The following MAT2B variants were observed in gnomAD, a reference collection of about 807,000 sequenced individuals.
MAT2B encodes the protein methionine adenosyltransferase 2 subunit beta.
A neutral mutation model predicts 36.1 loss-of-function variants in MAT2B; 16 were observed. The ratio of observed to expected loss-of-function variants is 0.44; its 90% CI spans 0.30 to 0.67. The LOEUF (loss-of-function observed/expected upper bound fraction) is 0.67, where lower values mean the gene tolerates loss of function less well. MAT2B is among the 30% of genes least tolerant of loss of function. MAT2B has a pLI of 0.09. For missense variants in MAT2B, 332 were observed against 398.2 expected (o/e 0.83, Z 1.42); for synonymous variants, 148 against 136.9 (o/e 1.08, Z -0.57).
At chr5:163,505,383 T>G (rs1256156580), upstream of MAT2B, 2 of 275,242 alleles carry the variant, frequency 7.3e-6, no homozygotes, top group Non-Finnish European at 1.1e-5. Context: ...TAAAAAGCAC[T>G]CAAATAAAAT....
chr5:163,508,168 A>AAG (rs1759974545), intron 1 of MAT2B, among the ~76,000 whole-genome samples: 1 of 152,202 alleles, frequency 6.6e-6, no homozygotes, highest in Non-Finnish European at 1.5e-5. Context: ...CTCTTTTACT[A>AAG]TAGACAAAAC....
upstream of MAT2B, chr5:163,505,485 G>T: frequency 1.7e-5 from 21 of 1,225,264 alleles, no homozygotes; most frequent in Non-Finnish European, 2.1e-5. Flanking sequence ...GGGGCAGACC[G>T]CGCGTACCCG....
intron 1 of MAT2B, among the ~76,000 whole-genome samples, chr5:163,507,900 G>C (rs751250610): frequency 6.6e-6 from 1 of 152,126 alleles, no homozygotes; most frequent in Non-Finnish European, 1.5e-5. Context: ...CTCGTGGTAG[G>C]GATAATATGG....
At chr5:163,504,172 G>A (rs1271303833), upstream of MAT2B, among the ~76,000 whole-genome samples, 2 of 152,116 alleles carry the variant, frequency 1.3e-5, no homozygotes, top group East Asian at 1.9e-4. Flanking sequence ...CGAATTCCCA[G>A]TTAAGAGAAA....
Position 163,518,597 on chromosome 5 carries a change from T to A in MAT2B, c.*234T>A, listed in dbSNP as rs902031950. Reference sequence around the variant, plus strand: ...TTGTTTGTCCTGGCTAAACTTGGAGTTTGAGTATAGTAAATTATGATCCTT... The same window carrying A: ...TTGTTTGTCCTGGCTAAACTTGGAGATTGAGTATAGTAAATTATGATCCTT... On this transcript the variant is annotated 3_prime_UTR_variant, in exon 7 of 7. Transcript: ENST00000321757. 2.8e-4 allele frequency: 92 copies of A among 333,742 alleles called. No homozygotes were observed. The highest frequency in any genetic ancestry group is 2.7e-5 in the Non-Finnish European group (5 of 185,218). The allele number at this position is 333,742 out of a possible 1,614,324, so 20.7% of individuals were successfully genotyped here. A position where few individuals can be genotyped will look rare whatever the true frequency, so the allele number is the denominator to read the frequency against.
intron 3 of MAT2B, 51 bp from the exon 4 acceptor site, chr5:163,513,791 A>G: frequency 6.4e-7 from 1 of 1,560,454 alleles, no homozygotes; most frequent in Non-Finnish European, 8.7e-7. Flanking sequence ...AAATTCCATG[A>G]AAGAGTAATG....
intron 1 of MAT2B, among the ~76,000 whole-genome samples, chr5:163,509,517 A>T (rs1201186374): frequency 6.6e-6 from 1 of 152,110 alleles, no homozygotes; most frequent in African/African-American, 2.4e-5. Flanking sequence ...GACCTTTGTG[A>T]TCTAAAAGCC....
At chr5:163,509,914 A>G (rs1246454293) in intron 1 of MAT2B, among the ~76,000 whole-genome samples, 1 of 152,216 alleles carries the variant, frequency 6.6e-6, no homozygotes, top group Non-Finnish European at 1.5e-5. Context: ...AATTGGTTGA[A>G]CTAAGGAAAA....
In MAT2B at chr5:163,513,589, G is replaced by GA. The variant is rs1274523987; in HGVS notation, c.294dup (p.Pro99ThrfsTer15). 1 of 1,613,212 alleles carries GA rather than the reference G, an allele frequency of 6.2e-7. No individual in the cohort carries two copies. Among genetic ancestry groups the GA allele is most frequent in the Admixed American group, 1.7e-5 (1 of 60,000 alleles). ...ATAGTACATTGTGCAGCAGAGAGAA[G>GA]ACCAGATGTTGTAGAAAATCAGCCA... On this transcript the variant is annotated frameshift_variant, in exon 3 of 7. Coordinates refer to ENST00000321757, the MANE Select transcript of MAT2B (RefSeq NM_013283.5). LOFTEE classifies it high-confidence loss of function.
intron 4 of MAT2B, 24 bp downstream of exon 4, chr5:163,514,018 C>T: frequency 2.5e-6 from 4 of 1,577,000 alleles, no homozygotes; most frequent in Non-Finnish European, 3.4e-6. Context: ...TATTTAGCCC[C>T]TGATTGTTTT....
chr5:163,513,896 C>G lies in MAT2B; in HGVS notation c.428C>G (p.Thr143Arg), dbSNP rs1226023643. ...YISSDYVFDGTNPPYREEDIP... is the reference protein window; with the variant it reads ...YISSDYVFDGRNPPYREEDIP... ...AGCTCAGATTATGTATTTGATGGAA[C>G]AAATCCACCTTACAGAGAGGAAGAC... Residue 143 changes from threonine (T) to arginine (R), a missense_variant, in exon 4 of 7, where the codon ACA becomes AGA. Thr to Arg is a moderately conservative substitution (Grantham distance 71, BLOSUM62 -1). Transcript: ENST00000321757. The G allele has an allele frequency of 1.2e-6, 2 of 1,613,114 alleles. No individual in the cohort carries two copies. The highest frequency in any genetic ancestry group is 8.5e-7 in the Non-Finnish European group (1 of 1,179,564).
rs374448443 is a variant in MAT2B, at chr5:163,508,751, TAGATTACCTA to T, written c.63+3004_63+3013del. On this transcript the variant is annotated intron_variant, in intron 1 of 6. Transcript: ENST00000321757. ...TCCTGCCTCAGCCTCCCGAGTAGCT[TAGATTACCTA>T]AAATTACCTAGAAAAAAATATGAAA... 5.2e-3 allele frequency among the ~76,000 whole-genome samples: 794 copies of T among 151,978 alleles called. 4 individuals carry two copies. Among genetic ancestry groups the T allele is most frequent in the African/African-American group, 0.018 (761 of 41,436 alleles).
At chr5:163,504,441 G>A (rs1288982767), upstream of MAT2B, among the ~76,000 whole-genome samples, 1 of 152,200 alleles carries the variant, frequency 6.6e-6, no homozygotes, top group Non-Finnish European at 1.5e-5. Flanking sequence ...GGGTTGAGGA[G>A]GAAGGAAAGT....
rs1289899683 is a variant in MAT2B at position 163,516,723 on chromosome 5, T to A, written c.720+12T>A. ...AGAAGAGAATGCTGGTAAGAAGGAT[T>A]CCTGAGTCCTGTCTTAGCGAAGGTC... On this transcript the variant is annotated intron_variant, in intron 5 of 6. Transcript: ENST00000321757. 1.2e-6 allele frequency: 2 copies of A among 1,613,784 alleles called. No homozygotes were observed. Among genetic ancestry groups the A allele is most frequent in the Non-Finnish European group, 1.7e-6 (2 of 1,179,798 alleles).
At chr5:163,505,862 C>T (rs1759926311) in intron 1 of MAT2B, 113 bp downstream of exon 1, 1 of 823,784 alleles carries the variant, frequency 1.2e-6, no homozygotes, top group Non-Finnish European at 1.7e-6. Context: ...AGCCTCCGGC[C>T]GGGAGTGGTC....
At chr5:163,510,810 G>T (rs181389555) in intron 1 of MAT2B, among the ~76,000 whole-genome samples, 3 of 151,908 alleles carry the variant, frequency 2.0e-5, no homozygotes, top group African/African-American at 4.8e-5. Context: ...TTTCCTCCTC[G>T]TATATTCCTT....
chr5:163,504,970 A>G (rs967907353), upstream of MAT2B, among the ~76,000 whole-genome samples: 2 of 152,156 alleles, frequency 1.3e-5, no homozygotes, highest in East Asian at 3.9e-4. Flanking sequence ...GTAAAGTCCA[A>G]GGATCTGCGT....
intron 1 of MAT2B, among the ~76,000 whole-genome samples, chr5:163,510,394 C>CT (rs1270371144): frequency 0.047 from 5,671 of 121,676 alleles, 378 homozygotes; most frequent in African/African-American, 0.12. Flanking sequence ...TTAGTTTTAG[C>CT]TTTTTTTTTT....
Position 163,510,519 on chromosome 5 carries a change from C to T in MAT2B, c.64-1483C>T, listed in dbSNP as rs531331520. On this transcript the variant is annotated intron_variant, in intron 1 of 6. Coordinates refer to ENST00000321757, the MANE Select transcript of MAT2B (RefSeq NM_013283.5). The stretch of plus-strand genomic sequence containing the variant: ...CAAGCAATTCTCCCGCCTCGCCTCC[C>T]GAGTAGCTGGGATTACAGGCACCTG... Among the ~76,000 whole-genome samples the T allele has an allele frequency of 7.9e-5, 12 of 151,738 alleles. No individual in the cohort carries two copies. The South Asian group carries it at 1.9e-3, about 24-fold the overall frequency.
Sources: allele counts gnomAD v4.1 joint callset (sites outside exome capture counted in the v4.1 genomes callset), GRCh38; gene constraint gnomAD v4.1.1; transcripts MANE v1.5; gene names NCBI Gene and HGNC (gene_info 2026-07-23, HGNC 2026-07-21).